ORAI3: variants seen among roughly 807,000 people sequenced by gnomAD.
ORAI3 encodes the protein protein orai-3.
Under a neutral mutation model 17.2 loss-of-function variants are expected in ORAI3, and 15 were observed. The observed-to-expected ratio is 0.87, with a 90% CI of 0.58 to 1.34. ORAI3 has a LOEUF of 1.34. Ranked by LOEUF, ORAI3 falls within the 40% of genes most tolerant of loss-of-function variation. ORAI3 has a pLI of 0.00. For missense variants in ORAI3, 405 were observed against 396.7 expected (o/e 1.02, Z -0.18); for synonymous variants, 178 against 172.4 (o/e 1.03, Z -0.25).
chr16:30,949,191 T>C lies in ORAI3; in HGVS notation c.-99T>C. On this transcript the variant is annotated 5_prime_UTR_variant, in exon 1 of 2. Transcript: ENST00000318663. ...CGCCGCCTGCATCCTGCTCGTCCTGTCTGGGAATGGGGCCGCCCCCGGGCT... is the reference window on the plus strand; with the variant it reads ...CGCCGCCTGCATCCTGCTCGTCCTGCCTGGGAATGGGGCCGCCCCCGGGCT... 1.2e-6 allele frequency: 1 copy of C among 818,818 alleles called. No homozygotes were observed. The allele number at this position is 818,818 out of a possible 1,614,324, so 50.7% of individuals were successfully genotyped here.
At chr16:30,950,090 C>T (rs140225467) in intron 1 of ORAI3, among the ~76,000 whole-genome samples, 2 of 152,302 alleles carry the variant, frequency 1.3e-5, no homozygotes, top group African/African-American at 4.8e-5. Flanking sequence ...AAGCGAGTCT[C>T]AAGCTGATAA....
chr16:30,950,165 G>T (rs2055917432), intron 1 of ORAI3, among the ~76,000 whole-genome samples: 1 of 152,172 alleles, frequency 6.6e-6, no homozygotes, highest in Non-Finnish European at 1.5e-5. Context: ...ACAGGAAGTG[G>T]GATGGAGGGA....
At position 30,953,888 on chromosome 16, in the gene ORAI3, G is replaced by T. The variant is rs781710327; in HGVS notation, c.*44G>T. 1.9e-6 allele frequency: 3 copies of T among 1,574,088 alleles called. No individual in the cohort carries two copies. Among genetic ancestry groups the T allele is most frequent in the African/African-American group, 1.3e-5 (1 of 74,198 alleles). On this transcript the variant is annotated 3_prime_UTR_variant, in exon 2 of 2. Transcript: ENST00000318663. ...CTCACTGCAAGCACTGCCTCCCTCC[G>T]GGGTCTGTAAGAGGCCGCAGGGGCC...
chr16:30,949,563 G>A (rs112738021), intron 1 of ORAI3, 46 bp downstream of exon 1: 1 of 791,120 alleles, frequency 1.3e-6, no homozygotes, highest in South Asian at 1.6e-5. Context: ...GAGCAAGTGG[G>A]GGGCACAGGT....
chr16:30,953,030 A>G (rs924222867), intron 1 of ORAI3, among the ~76,000 whole-genome samples, 155 bp from the exon 2 acceptor site: 1 of 152,198 alleles, frequency 6.6e-6, no homozygotes, highest in Non-Finnish European at 1.5e-5. Context: ...AAAGCTGTCC[A>G]TTCGTTTACT....
At position 30,954,123 on chromosome 16, in the gene ORAI3, G is replaced by A; in HGVS notation, c.*279G>A. 1 of 702,760 alleles carries A rather than the reference G, an allele frequency of 1.4e-6. No individual in the cohort carries two copies. The highest frequency in any genetic ancestry group is 2.7e-5 in the East Asian group (1 of 37,296). 43.5% of individuals were successfully genotyped at this position (702,760 alleles called of 1,614,324 possible). A position where few individuals can be genotyped will look rare whatever the true frequency, so the allele number is the denominator to read the frequency against. On this transcript the variant is annotated 3_prime_UTR_variant, in exon 2 of 2. Coordinates refer to ENST00000318663, the MANE Select transcript of ORAI3 (RefSeq NM_152288.3). ...CAGTTGAAGGATCATGCAGTAGATAGAGGGGAGGCAGGGAGAGCTTGTGGG... is the reference window on the plus strand; with the variant it reads ...CAGTTGAAGGATCATGCAGTAGATAAAGGGGAGGCAGGGAGAGCTTGTGGG...
Position 30,954,101 on chromosome 16 carries a change from T to G in ORAI3, c.*257T>G. ...TACTCTGCACCTGGGCTGGCCTCAGTTGAAGGATCATGCAGTAGATAGAGG... is the reference window on the plus strand; with the variant it reads ...TACTCTGCACCTGGGCTGGCCTCAGGTGAAGGATCATGCAGTAGATAGAGG... On this transcript the variant is annotated 3_prime_UTR_variant, in exon 2 of 2. Coordinates refer to ENST00000318663, the MANE Select transcript of ORAI3 (RefSeq NM_152288.3). 1 of 703,056 alleles carries G rather than the reference T, an allele frequency of 1.4e-6. No individual in the cohort carries two copies. Among genetic ancestry groups the G allele is most frequent in the South Asian group, 1.5e-5 (1 of 67,610 alleles). The allele number at this position is 703,056 out of a possible 1,614,324, so 43.6% of individuals were successfully genotyped here. A position where few individuals can be genotyped will look rare whatever the true frequency, so the allele number is the denominator to read the frequency against.
In ORAI3 at chr16:30,953,760, C is replaced by A; in HGVS notation, c.804C>A (p.Arg268=). 1 of 1,614,120 alleles carries A rather than the reference C, an allele frequency of 6.2e-7. No homozygotes were observed. The highest frequency in any genetic ancestry group is 8.5e-7 in the Non-Finnish European group (1 of 1,180,038). The change falls in exon 2 of 2, where the codon CGC becomes CGA. Residue 268 remains arginine (R), a synonymous_variant. Transcript: ENST00000318663. Reference sequence around the variant, plus strand: ...TGGCCTTTGCCCTGCATTTCTACCGCTCCTTGGTGGCACACAAGACAGACC... The same window carrying A: ...TGGCCTTTGCCCTGCATTTCTACCGATCCTTGGTGGCACACAAGACAGACC... ...VFVAFALHFY[R]SLVAHKTDRY...
rs1235325241 is a variant in ORAI3 at position 30,949,295 on chromosome 16, G to A, written c.6G>A (p.Lys2=). 2 of 1,408,774 alleles carry A rather than the reference G, an allele frequency of 1.4e-6. No homozygotes were observed. The highest frequency in any genetic ancestry group is 1.5e-5 in the South Asian group (1 of 65,308). 87.3% of individuals were successfully genotyped at this position (1,408,774 alleles called of 1,614,324 possible). ...GGTGCCGCCCCCCCCCCAGGATGAA[G>A]GGCGGCGAGGGGGACGCGGGCGAGC... is the stretch of plus-strand genomic sequence containing the variant. M[K]GGEGDAGEQA... is the part of the protein sequence containing the mutation. Residue 2 remains lysine (K), a synonymous_variant, in exon 1 of 2, where the codon AAG becomes AAA. Coordinates refer to ENST00000318663, the MANE Select transcript of ORAI3 (RefSeq NM_152288.3).
intron 1 of ORAI3, among the ~76,000 whole-genome samples, chr16:30,950,816 C>T (rs2055921416): frequency 1.3e-5 from 2 of 152,188 alleles, no homozygotes; most frequent in Admixed American, 6.5e-5. Flanking sequence ...AGCAGCCACC[C>T]AAGCTGAGGG....
intron 1 of ORAI3, among the ~76,000 whole-genome samples, chr16:30,952,027 T>C (rs2055926795): frequency 1.3e-5 from 2 of 152,172 alleles, no homozygotes; most frequent in Non-Finnish European, 2.9e-5. Flanking sequence ...ACATACCTAG[T>C]GCTTACTCTG....
intron 1 of ORAI3, among the ~76,000 whole-genome samples, chr16:30,952,723 T>TGGAG (rs1473311453): frequency 6.6e-6 from 1 of 152,048 alleles, no homozygotes; most frequent in Non-Finnish European, 1.5e-5. Flanking sequence ...TGGAGTGCAG[T>TGGAG]CACATGATCT....
At chr16:30,951,794 G>A (rs992953999) in intron 1 of ORAI3, among the ~76,000 whole-genome samples, 1 of 152,094 alleles carries the variant, frequency 6.6e-6, no homozygotes, top group Non-Finnish European at 1.5e-5. Flanking sequence ...ATGCAGGAAC[G>A]CAGGCCAAGT....
In ORAI3 at chr16:30,954,311, A is replaced by G. The variant is rs1567345131; in HGVS notation, c.*467A>G. ...CAGCTCACTGTAGCCTCGACCTTCC[A>G]GGCTCAAAAGATGCTCCCACCACAG... On this transcript the variant is annotated 3_prime_UTR_variant, in exon 2 of 2. Coordinates refer to ENST00000318663, the MANE Select transcript of ORAI3 (RefSeq NM_152288.3). The G allele has an allele frequency of 5.2e-6, 3 of 575,112 alleles. No homozygotes were observed. Among genetic ancestry groups the G allele is most frequent in the Non-Finnish European group, 9.3e-6 (3 of 323,128 alleles). 35.6% of individuals were successfully genotyped at this position (575,112 alleles called of 1,614,324 possible). A position where few individuals can be genotyped will look rare whatever the true frequency, so the allele number is the denominator to read the frequency against.
In ORAI3 at chr16:30,950,298, G is replaced by A. The variant is rs545835715; in HGVS notation, c.228+781G>A. ...GTGGGAAACTGAGATCATGGAGGGT[G>A]CGCCCTCTGTAGCCAGCCAAGTAAC... is the stretch of plus-strand genomic sequence containing the variant. On this transcript the variant is annotated intron_variant, in intron 1 of 1. Coordinates refer to ENST00000318663, the MANE Select transcript of ORAI3 (RefSeq NM_152288.3). Among the ~76,000 whole-genome samples, 326 of 152,286 alleles carry A rather than the reference G, an allele frequency of 2.1e-3. 1 individual carries two copies. The highest frequency in any genetic ancestry group is 3.1e-3 in the Non-Finnish European group (210 of 68,010).
rs1241030836 is a variant in ORAI3 at position 30,953,189 on chromosome 16, C to G, written c.233C>G (p.Ala78Gly). Reference sequence around the variant, plus strand: ...CATCCCCTCTTGTCCCTGCAGGTGGCCATGGTGGAGGTGCAGCTGGAGAGT... The same window carrying G: ...CATCCCCTCTTGTCCCTGCAGGTGGGCATGGTGGAGGTGCAGCTGGAGAGT... ...SALLSGFAMV[A>G]MVEVQLESDH... is the part of the protein sequence containing the mutation. The change falls in exon 2 of 2, where the codon GCC becomes GGC. Residue 78 changes from alanine to glycine, a missense_variant. Physicochemically the swap from Ala to Gly is moderately conservative, Grantham distance 60. Transcript: ENST00000318663. The G allele has an allele frequency of 6.4e-7, 1 of 1,573,304 alleles. No individual in the cohort carries two copies. The highest frequency in any genetic ancestry group is 1.2e-5 in the South Asian group (1 of 83,228).
chr16:30,949,225 C>A lies in ORAI3; in HGVS notation c.-65C>A. The A allele has an allele frequency of 1.7e-6, 2 of 1,192,914 alleles. No homozygotes were observed. Among genetic ancestry groups the A allele is most frequent in the East Asian group, 3.2e-5 (1 of 31,500 alleles). 73.9% of individuals were successfully genotyped at this position (1,192,914 alleles called of 1,614,324 possible). A position where few individuals can be genotyped will look rare whatever the true frequency, so the allele number is the denominator to read the frequency against. On this transcript the variant is annotated 5_prime_UTR_variant, in exon 1 of 2. Coordinates refer to ENST00000318663, the MANE Select transcript of ORAI3 (RefSeq NM_152288.3). ...GGGGCCGCCCCCGGGCTTGGGCCGG[C>A]CCGGCTGGGGCCCCCGAGGCGCTTC...
Position 30,949,482 on chromosome 16 carries a change from A to C in ORAI3, c.193A>C (p.Ser65Arg). 6.4e-7 allele frequency: 1 copy of C among 1,568,384 alleles called. No homozygotes were observed. Among genetic ancestry groups the C allele is most frequent in the Non-Finnish European group, 8.7e-7 (1 of 1,155,586 alleles). The change falls in exon 1 of 2, where the codon AGC (serine) becomes CGC (arginine). Residue 65 changes from serine (S) to arginine (R), a missense_variant. Transcript: ENST00000318663. ...CAGCCGGGCCAAGCTCAAAGCTTCCAGCCGCACGTCTGCCTTGCTCTCGGG... is the reference window on the plus strand; with the variant it reads ...CAGCCGGGCCAAGCTCAAAGCTTCCCGCCGCACGTCTGCCTTGCTCTCGGG... ...YLSRAKLKAS[S>R]RTSALLSGFA...
chr16:30,954,071 C>G lies in ORAI3; in HGVS notation c.*227C>G. 1 of 706,250 alleles carries G rather than the reference C, an allele frequency of 1.4e-6. No individual in the cohort carries two copies. The allele number at this position is 706,250 out of a possible 1,614,324, so 43.7% of individuals were successfully genotyped here. ...CCATCAGTCTGTCCCTTGGGTTTTGCAAGCTACTCTGCACCTGGGCTGGCC... is the reference window on the plus strand; with the variant it reads ...CCATCAGTCTGTCCCTTGGGTTTTGGAAGCTACTCTGCACCTGGGCTGGCC... On this transcript the variant is annotated 3_prime_UTR_variant, in exon 2 of 2. Transcript: ENST00000318663.
Sources: gnomAD v4.1 joint callset for allele counts (sites outside exome capture counted in the v4.1 genomes callset) on GRCh38, gnomAD v4.1.1 for gene constraint, MANE v1.5 for transcripts, NCBI Gene and HGNC (gene_info 2026-07-23, HGNC 2026-07-21) for gene names.